Variants in KAZN observed in about 807,000 individuals in gnomAD.
KAZN encodes the protein kazrin, periplakin interacting protein, also known as kazrin.
In KAZN, 40 loss-of-function variants were observed where a neutral mutation model predicts 87.4. The observed-to-expected ratio is 0.46, with a 90% CI of 0.36 to 0.60. The LOEUF is 0.60. Among genes scored for constraint, KAZN ranks in the 20% least tolerant of loss-of-function variants. The pLI, the probability that KAZN is intolerant of heterozygous loss-of-function variation, is 0.00. For synonymous variants in KAZN, 466 were observed against 458.3 expected (o/e 1.02, Z -0.22); for missense variants, 898 against 1,073.9 (o/e 0.84, Z 2.29).
At chr1:14,670,959 C>T (rs141990782) in intron 1 of KAZN, among the ~76,000 whole-genome samples, 118 of 152,250 alleles carry the variant, frequency 7.8e-4, no homozygotes, top group African/African-American at 2.3e-3. Context: ...TACTGGCATC[C>T]GGTGGGTGGA....
chr1:14,655,431 GT>G (rs1638731280), intron 1 of KAZN, among the ~76,000 whole-genome samples: 2 of 152,088 alleles, frequency 1.3e-5, no homozygotes, highest in South Asian at 4.1e-4. Flanking sequence ...TATCTTTCTT[GT>G]CCCTTTGATA....
chr1:13,971,761 T>G (rs1557754910), intron 1 of KAZN, among the ~76,000 whole-genome samples: 1 of 152,198 alleles, frequency 6.6e-6, no homozygotes. Flanking sequence ...TGTGCATCCT[T>G]CACAAATGCT....
chr1:13,944,483 A>G (rs896461733), intron 1 of KAZN, among the ~76,000 whole-genome samples: 1 of 152,234 alleles, frequency 6.6e-6, no homozygotes, highest in Non-Finnish European at 1.5e-5. Context: ...AGTAAACATC[A>G]TTGACTTGTA....
chr1:13,962,431 A>C (rs1173192138), intron 1 of KAZN, among the ~76,000 whole-genome samples: 5 of 152,130 alleles, frequency 3.3e-5, no homozygotes. Context: ...GGAGGAGGTG[A>C]GCTCCTGACT....
intron 1 of KAZN, among the ~76,000 whole-genome samples, chr1:14,065,937 G>A (rs904892148): frequency 6.6e-6 from 1 of 152,100 alleles, no homozygotes; most frequent in African/African-American, 2.4e-5. Context: ...AGTATACATT[G>A]TATCCAATAT....
At chr1:14,653,439 G>T in intron 1 of KAZN, among the ~76,000 whole-genome samples, 1 of 152,202 alleles carries the variant, frequency 6.6e-6, no homozygotes, top group East Asian at 1.9e-4. Context: ...GGAGGCAGTG[G>T]CCACCCAGCC....
intron 1 of KAZN, among the ~76,000 whole-genome samples, chr1:14,909,152 C>T (rs558164817): frequency 3.3e-5 from 5 of 152,196 alleles, no homozygotes; most frequent in Non-Finnish European, 7.3e-5. Context: ...ATAGTATATA[C>T]TTTCGTAGAG....
intron 2 of KAZN, among the ~76,000 whole-genome samples, chr1:14,388,820 A>C (rs897960243): frequency 6.6e-6 from 1 of 152,212 alleles, no homozygotes; most frequent in Admixed American, 6.5e-5. Context: ...TCCCACAAGC[A>C]CAGGCAACCA....
intron 1 of KAZN, among the ~76,000 whole-genome samples, chr1:14,928,788 G>A (rs368140081): frequency 6.6e-6 from 1 of 152,216 alleles, no homozygotes; most frequent in Non-Finnish European, 1.5e-5. Context: ...GCAATGGAGG[G>A]CTTGGTTCTT....
intron 3 of KAZN, among the ~76,000 whole-genome samples, chr1:15,039,814 G>A (rs923525950): frequency 6.6e-6 from 1 of 152,182 alleles, no homozygotes; most frequent in Admixed American, 6.5e-5. Context: ...CTGGGGTGGG[G>A]TTGACGCTAC....
intron 1 of KAZN, among the ~76,000 whole-genome samples, chr1:14,784,729 G>A (rs761060564): frequency 3.3e-5 from 5 of 152,226 alleles, no homozygotes; most frequent in East Asian, 3.9e-4. Flanking sequence ...ACTGCACTCC[G>A]GCCTGGGCAA....
intron 1 of KAZN, among the ~76,000 whole-genome samples, chr1:14,865,282 C>T (rs1651324673): frequency 6.6e-6 from 1 of 152,184 alleles, no homozygotes; most frequent in Non-Finnish European, 1.5e-5. Context: ...ATAGATCGCC[C>T]TGGGACTGGA....
intron 2 of KAZN, among the ~76,000 whole-genome samples, chr1:14,268,775 G>A (rs987116846): frequency 1.3e-5 from 2 of 152,226 alleles, no homozygotes; most frequent in African/African-American, 4.8e-5. Context: ...CAGCCAGGTT[G>A]CAGGCATTAA....
At chr1:14,607,611 G>C (rs1677472355) in intron 1 of KAZN, among the ~76,000 whole-genome samples, 1 of 152,158 alleles carries the variant, frequency 6.6e-6, no homozygotes, top group South Asian at 2.1e-4. Flanking sequence ...TAGCCAGCAG[G>C]GACTCCTGTC....
intron 1 of KAZN, among the ~76,000 whole-genome samples, chr1:14,748,562 C>A (rs1297440878): frequency 6.6e-6 from 1 of 152,178 alleles, no homozygotes; most frequent in Non-Finnish European, 1.5e-5. Flanking sequence ...TGAGAAGGTT[C>A]AATGAGGCAA....
At chr1:14,860,470 C>T (rs542111197) in intron 1 of KAZN, among the ~76,000 whole-genome samples, 3 of 152,300 alleles carry the variant, frequency 2.0e-5, no homozygotes, top group East Asian at 1.9e-4. Flanking sequence ...GGGATTATTA[C>T]AGGCATGAGC....
intron 1 of KAZN, among the ~76,000 whole-genome samples, chr1:14,623,972 A>G (rs773147576): frequency 6.6e-6 from 1 of 152,204 alleles, no homozygotes; most frequent in Non-Finnish European, 1.5e-5. Context: ...ATATCTTGGT[A>G]AATCATTCCA....
intron 1 of KAZN, among the ~76,000 whole-genome samples, chr1:14,743,511 T>C (rs1391531802): frequency 6.6e-6 from 1 of 152,120 alleles, no homozygotes; most frequent in Non-Finnish European, 1.5e-5. Context: ...AGGACTTCTT[T>C]GATAGAAGCC....
At chr1:14,645,339 A>C (rs1181576868) in intron 1 of KAZN, among the ~76,000 whole-genome samples, 3 of 152,186 alleles carry the variant, frequency 2.0e-5, no homozygotes, top group African/African-American at 7.2e-5. Context: ...TCTATGAAGA[A>C]TGTTGGTGGT....
Sources: gnomAD v4.1 joint callset for allele counts (sites outside exome capture counted in the v4.1 genomes callset) on GRCh38, gnomAD v4.1.1 for gene constraint, MANE v1.5 for transcripts, NCBI Gene and HGNC (gene_info 2026-07-23, HGNC 2026-07-21) for gene names.